The following FAM135B variants were observed in gnomAD, a reference collection of about 807,000 sequenced individuals.
FAM135B encodes family with sequence similarity 135 member B.
FAM135B carries 43 observed loss-of-function variants against 127.7 expected under a neutral mutation model. The observed-to-expected ratio is 0.34, with a 90% CI of 0.26 to 0.43. The LOEUF (loss-of-function observed/expected upper bound fraction) is 0.43, where lower values mean the gene tolerates loss of function less well. Ranked by LOEUF, FAM135B falls within the 20% of genes least tolerant of loss-of-function variation. The probability of loss-of-function intolerance (pLI) is 1.00; values close to 1 mark genes in which losing one functional copy is unlikely to be tolerated. For synonymous variants in FAM135B, 670 were observed against 665.1 expected (o/e 1.01, Z -0.11); for missense variants, 1,558 against 1,725.6 (o/e 0.90, Z 1.72).
rs1361684032 is a variant in FAM135B, at chr8:138,242,951, A to G, written c.660T>C (p.Thr220=). 5 of 1,613,602 alleles carry G rather than the reference A, an allele frequency of 3.1e-6. No individual in the cohort carries two copies. The South Asian group carries it at 3.3e-5, about 11-fold the overall frequency. The stretch of plus-strand genomic sequence containing the variant: ...CCCACACAGGCCTTACCTCTGAGGA[A>G]GTCGGCTTGCAGTACCCAGCTCCAA... ...LVFGAGYCKP[T]SSEGSFYITS... Residue 220 remains threonine (T), a synonymous_variant, in exon 7 of 20, where the codon ACT becomes ACC. Transcript: ENST00000395297. This position sits in a 1 kb window ranked among gnomAD's most constrained non-coding sequence, Gnocchi z 9.6.
intron 1 of FAM135B, among the ~76,000 whole-genome samples, chr8:138,460,088 A>T (rs1837037565): frequency 6.6e-6 from 1 of 152,182 alleles, no homozygotes; most frequent in Non-Finnish European, 1.5e-5. Flanking sequence ...TTGCTGTACC[A>T]ATAGTTTAAG....
chr8:138,338,892 A>C (rs1411085496), intron 2 of FAM135B, among the ~76,000 whole-genome samples: 1 of 152,166 alleles, frequency 6.6e-6, no homozygotes, highest in Non-Finnish European at 1.5e-5. Context: ...TGGATTAAGA[A>C]AATGTGGCAC....
chr8:138,136,217 G>A (rs1466005849), intron 19 of FAM135B, among the ~76,000 whole-genome samples: 1 of 151,886 alleles, frequency 6.6e-6, no homozygotes, highest in Non-Finnish European at 1.5e-5. Flanking sequence ...ATTTGGAATA[G>A]ACCCAATTAT....
chr8:138,275,852 G>T (rs997620107), intron 3 of FAM135B, among the ~76,000 whole-genome samples: 1 of 152,122 alleles, frequency 6.6e-6, no homozygotes. Context: ...CAGAGCTGAC[G>T]CTTTGTGCTG....
chr8:138,345,780 C>A (rs188993710), intron 2 of FAM135B, among the ~76,000 whole-genome samples: 8 of 152,170 alleles, frequency 5.3e-5, no homozygotes, highest in African/African-American at 1.9e-4. Flanking sequence ...TCAGACTCTG[C>A]CTTGGAAGGG....
intron 7 of FAM135B, among the ~76,000 whole-genome samples, chr8:138,203,595 A>G (rs1364818404): frequency 1.3e-5 from 2 of 152,050 alleles, no homozygotes; most frequent in Non-Finnish European, 2.9e-5. Context: ...TTTGTAAGAG[A>G]AAGTTCGAAT....
chr8:138,426,004 TATATATATAC>T (rs1489982054), intron 1 of FAM135B, among the ~76,000 whole-genome samples: 1 of 15,410 alleles, frequency 6.5e-5, no homozygotes, highest in Non-Finnish European at 1.2e-4. Context: ...TATATATATA[TATATATATAC>T]ACACACATAC....
chr8:138,178,731 C>G (rs777453943), intron 9 of FAM135B, 41 bp from the exon 10 acceptor site: 36 of 1,598,094 alleles, frequency 2.3e-5, no homozygotes, highest in Non-Finnish European at 2.8e-5. Context: ...CTCCTGACTC[C>G]ATGAAGTCAG....
At position 138,155,761 on chromosome 8, in the gene FAM135B, A is replaced by T. The variant is rs533436578; in HGVS notation, c.1259-2545T>A. On this transcript the variant is annotated intron_variant, in intron 12 of 19. Coordinates refer to ENST00000395297, the MANE Select transcript of FAM135B (RefSeq NM_015912.4). ...GAAGATCTAACTGTCCTAAATATATATGCACCCAATACAGGAGCACCCAGA... is the reference window on the plus strand; with the variant it reads ...GAAGATCTAACTGTCCTAAATATATTTGCACCCAATACAGGAGCACCCAGA... 7.9e-5 allele frequency among the ~76,000 whole-genome samples: 12 copies of T among 152,362 alleles called. No homozygotes were observed. The South Asian group carries it at 2.5e-3, about 32-fold the overall frequency.
In FAM135B at chr8:138,448,792, G is replaced by GA. The variant is rs558114908; in HGVS notation, c.-20+47878dup. ...TCCTCTGGAAAACCTAACACAGGGG[G>GA]AAAAAAAAAAAAAGCTAGGAATCAG... On this transcript the variant is annotated intron_variant, in intron 1 of 19. Transcript: ENST00000395297. Among the ~76,000 whole-genome samples the GA allele has an allele frequency of 6.1e-3, 831 of 136,562 alleles. 7 individuals carry two copies. Among genetic ancestry groups the GA allele is most frequent in the African/African-American group, 0.017 (631 of 37,368 alleles). The allele number at this position is 136,562 out of a possible 152,430, so 89.6% of individuals were successfully genotyped here.
chr8:138,275,428 C>T (rs933910197), intron 3 of FAM135B, among the ~76,000 whole-genome samples: 20 of 152,150 alleles, frequency 1.3e-4, no homozygotes, highest in African/African-American at 4.8e-4. Context: ...CTCATTCTTA[C>T]AATCCCAGAA....
At chr8:138,409,518 G>C (rs1468157420) in intron 1 of FAM135B, among the ~76,000 whole-genome samples, 1 of 152,128 alleles carries the variant, frequency 6.6e-6, no homozygotes, top group African/African-American at 2.4e-5. Flanking sequence ...CAATAGACTT[G>C]CTGGAGGCAG....
chr8:138,379,419 T>C lies in FAM135B; in HGVS notation c.-19-11417A>G, dbSNP rs73429436. Among the ~76,000 whole-genome samples the C allele has an allele frequency of 6.5e-4, 99 of 152,238 alleles. 1 individual carries two copies. The East Asian group carries it at 0.015, about 23-fold the overall frequency. On this transcript the variant is annotated intron_variant, in intron 1 of 19. Transcript: ENST00000395297. ...CATTATGGCTTTTCAATATATAGTG[T>C]ATAATGCTAATATTAGAATAACTAA... is the stretch of plus-strand genomic sequence containing the variant.
At chr8:138,197,756 A>G in intron 7 of FAM135B, 87 bp from the exon 8 acceptor site, 2 of 1,424,886 alleles carry the variant, frequency 1.4e-6, no homozygotes, top group South Asian at 1.3e-5. Context: ...CACCCGCACC[A>G]ACATTCACAA....
chr8:138,272,900 T>C (rs962226125), intron 3 of FAM135B, among the ~76,000 whole-genome samples: 1 of 152,222 alleles, frequency 6.6e-6, no homozygotes, highest in Non-Finnish European at 1.5e-5. Context: ...AGCTCTGCCA[T>C]TTATACACTG....
intron 2 of FAM135B, among the ~76,000 whole-genome samples, chr8:138,344,573 C>CTTTCT (rs150314388): frequency 8.8e-6 from 1 of 113,614 alleles, no homozygotes; most frequent in South Asian, 3.1e-4. Flanking sequence ...CACTTTCTTT[C>CTTTCT]TTTCTTTTTT....
intron 1 of FAM135B, chr8:138,437,294 C>T (rs1236837512): frequency 6.6e-6 from 1 of 152,206 alleles, no homozygotes; most frequent in African/African-American, 2.4e-5. Flanking sequence ...CTACCCAAAA[C>T]TCATCTTGAA....
chr8:138,403,658 A>T (rs1833281871), intron 1 of FAM135B, among the ~76,000 whole-genome samples: 2 of 152,110 alleles, frequency 1.3e-5, no homozygotes, highest in East Asian at 1.9e-4. Flanking sequence ...CTGGACCATG[A>T]CCTTTTGCTC....
At chr8:138,438,919 T>C (rs1414346626) in intron 1 of FAM135B, 1 of 152,170 alleles carries the variant, frequency 6.6e-6, no homozygotes, top group Non-Finnish European at 1.5e-5. Flanking sequence ...CATGGCAACC[T>C]TGTGGGTGGG....
Sources: allele counts gnomAD v4.1 joint callset (sites outside exome capture counted in the v4.1 genomes callset), GRCh38; gene constraint gnomAD v4.1.1; non-coding constraint Gnocchi (gnomAD v3.1); transcripts MANE v1.5; gene names NCBI Gene and HGNC (gene_info 2026-07-23, HGNC 2026-07-21).